The following KCND2 variants were observed in gnomAD, a reference collection of about 807,000 sequenced individuals.
KCND2 encodes the protein A-type voltage-gated potassium channel KCND2.
A neutral mutation model predicts 54.4 loss-of-function variants in KCND2; 16 were observed. The ratio of observed to expected loss-of-function variants is 0.29; its 90% CI spans 0.20 to 0.45. KCND2 has a LOEUF of 0.45. KCND2 is among the 20% of genes least tolerant of loss of function. The pLI, the probability that KCND2 is intolerant of heterozygous loss-of-function variation, is 1.00. For synonymous variants in KCND2, 317 were observed against 310.7 expected, an observed-to-expected ratio of 1.02 and a Z score of -0.21; for missense variants, 486 against 824.2, an observed-to-expected ratio of 0.59 and a Z score of 5.02.
intron 1 of KCND2, among the ~76,000 whole-genome samples, chr7:120,296,678 T>C (rs1356193078): frequency 6.6e-6 from 1 of 152,092 alleles, no homozygotes; most frequent in Non-Finnish European, 1.5e-5. Flanking sequence ...AATGCAGTAC[T>C]GTATTATACA....
At chr7:120,570,140 TAGAA>T (rs1486925916) in intron 1 of KCND2, among the ~76,000 whole-genome samples, 2 of 152,162 alleles carry the variant, frequency 1.3e-5, no homozygotes, top group African/African-American at 4.8e-5. Context: ...ATCTGCACAA[TAGAA>T]AGAAATTAGA....
intron 1 of KCND2, among the ~76,000 whole-genome samples, chr7:120,320,798 C>T (rs943243134): frequency 1.3e-5 from 2 of 152,086 alleles, no homozygotes; most frequent in African/African-American, 2.4e-5. Flanking sequence ...CTGTCGCTAA[C>T]CTGGCTGATA....
At chr7:120,339,157 CT>C (rs1355933967) in intron 1 of KCND2, among the ~76,000 whole-genome samples, 2 of 151,526 alleles carry the variant, frequency 1.3e-5, no homozygotes, top group Admixed American at 1.3e-4. Context: ...TCCCAAAGTG[CT>C]GGGATTACAG....
intron 1 of KCND2, among the ~76,000 whole-genome samples, chr7:120,678,588 C>T (rs979116418): frequency 1.3e-4 from 19 of 147,252 alleles, no homozygotes; most frequent in Admixed American, 1.4e-4. Flanking sequence ...CAGTTCATTA[C>T]ACACATATAT....
chr7:120,664,442 C>T (rs1189928047), intron 1 of KCND2, among the ~76,000 whole-genome samples: 2 of 150,440 alleles, frequency 1.3e-5, no homozygotes, highest in Non-Finnish European at 3.0e-5. Context: ...CATATAATAA[C>T]TTATTTAATA....
At chr7:120,738,761 G>A (rs1002405996) in intron 2 of KCND2, among the ~76,000 whole-genome samples, 20 of 151,948 alleles carry the variant, frequency 1.3e-4, no homozygotes, top group African/African-American at 3.9e-4. Flanking sequence ...TACATAATTG[G>A]TGCTGCCAAG....
At chr7:120,441,022 G>A (rs769074060) in intron 1 of KCND2, among the ~76,000 whole-genome samples, 1 of 151,552 alleles carries the variant, frequency 6.6e-6, no homozygotes, top group Admixed American at 6.6e-5. Context: ...CATGAAAATA[G>A]AACAATGCAA....
intron 1 of KCND2, among the ~76,000 whole-genome samples, chr7:120,547,645 T>C (rs778209525): frequency 1.3e-5 from 2 of 151,962 alleles, no homozygotes; most frequent in Non-Finnish European, 2.9e-5. Context: ...TATTTACCCA[T>C]CTTAAAAAAA....
intron 1 of KCND2, among the ~76,000 whole-genome samples, chr7:120,417,880 G>C (rs1801546551): frequency 6.6e-6 from 1 of 152,122 alleles, no homozygotes; most frequent in Non-Finnish European, 1.5e-5. Context: ...CTTTGAACCA[G>C]GAGTCTAGGC....
intron 1 of KCND2, among the ~76,000 whole-genome samples, chr7:120,361,216 G>GA (rs35240707): frequency 6.6e-6 from 1 of 151,572 alleles, no homozygotes; most frequent in Non-Finnish European, 1.5e-5. Context: ...CCTTAACCTT[G>GA]AAAAAAAGGG....
intron 1 of KCND2, among the ~76,000 whole-genome samples, chr7:120,522,114 C>G (rs1791703822): frequency 6.6e-6 from 1 of 152,138 alleles, no homozygotes. Flanking sequence ...TCTGGGCCTC[C>G]CTTTATGGTT....
chr7:120,690,589 G>A (rs1007313129), intron 1 of KCND2, among the ~76,000 whole-genome samples: 2 of 152,106 alleles, frequency 1.3e-5, no homozygotes, highest in Admixed American at 6.5e-5. Flanking sequence ...GTGAAGGGCA[G>A]GACACTGGAA....
chr7:120,656,668 A>T (rs1791807279), intron 1 of KCND2, among the ~76,000 whole-genome samples: 1 of 152,232 alleles, frequency 6.6e-6, no homozygotes, highest in Non-Finnish European at 1.5e-5. Context: ...TTCCCTTTTC[A>T]TAAATTTCAT....
At chr7:120,340,831 A>G (rs1032882448) in intron 1 of KCND2, among the ~76,000 whole-genome samples, 3 of 152,212 alleles carry the variant, frequency 2.0e-5, no homozygotes. Context: ...AAAAGGGAGA[A>G]GACAACTGGA....
chr7:120,476,540 T>G (rs1241655056), intron 1 of KCND2, among the ~76,000 whole-genome samples: 1 of 152,226 alleles, frequency 6.6e-6, no homozygotes, highest in Non-Finnish European at 1.5e-5. Flanking sequence ...TCATTTCATA[T>G]TATGAGCCCT....
intron 1 of KCND2, among the ~76,000 whole-genome samples, chr7:120,454,304 C>T (rs1039235019): frequency 1.2e-4 from 18 of 152,066 alleles, no homozygotes; most frequent in Admixed American, 1.2e-3. Context: ...GATTGATAGA[C>T]CACTAGCTAG....
At chr7:120,577,326 A>G (rs1231214639) in intron 1 of KCND2, among the ~76,000 whole-genome samples, 2 of 152,200 alleles carry the variant, frequency 1.3e-5, no homozygotes, top group Non-Finnish European at 2.9e-5. Flanking sequence ...ATTATTGCAG[A>G]AAATTATTTT....
At chr7:120,298,764 T>TTACTCAA (rs1219979002) in intron 1 of KCND2, among the ~76,000 whole-genome samples, 23 of 152,222 alleles carry the variant, frequency 1.5e-4, no homozygotes, top group Non-Finnish European at 1.3e-4. Context: ...CTCATGCAAA[T>TTACTCAA]TAGTAATATT....
At chr7:120,559,614 G>A (rs1456606436) in intron 1 of KCND2, among the ~76,000 whole-genome samples, 1 of 152,102 alleles carries the variant, frequency 6.6e-6, no homozygotes, top group African/African-American at 2.4e-5. Context: ...ATAGCCTGAT[G>A]GGAACAGCAA....
Sources: gnomAD v4.1 joint callset for allele counts (sites outside exome capture counted in the v4.1 genomes callset) on GRCh38, gnomAD v4.1.1 for gene constraint, MANE v1.5 for transcripts, NCBI Gene and HGNC (gene_info 2026-07-23, HGNC 2026-07-21) for gene names.